Variants in ANO10 observed in about 807,000 individuals in gnomAD.
The protein encoded by ANO10 is anoctamin-10.
Under a neutral mutation model 74.7 loss-of-function variants are expected in ANO10, and 77 were observed. That is an observed-to-expected ratio of 1.03 (90% CI 0.86 to 1.25). The LOEUF (loss-of-function observed/expected upper bound fraction) is 1.25. Ranked by LOEUF, ANO10 falls within the 50% of genes most tolerant of loss-of-function variation. The pLI, the probability that ANO10 is intolerant of heterozygous loss-of-function variation, is 0.00. For synonymous variants in ANO10, 279 were observed against 284.9 expected (o/e 0.98, Z 0.21); for missense variants, 721 against 778.1 (o/e 0.93, Z 0.87).
chr3:43,523,746 A>G (rs1457484366), intron 11 of ANO10, among the ~76,000 whole-genome samples: 1 of 152,194 alleles, frequency 6.6e-6, no homozygotes, highest in Non-Finnish European at 1.5e-5. Flanking sequence ...GTAAATACAT[A>G]CACAATACAC....
chr3:43,452,406 T>C (rs2074918267), intron 11 of ANO10, among the ~76,000 whole-genome samples: 1 of 152,324 alleles, frequency 6.6e-6, no homozygotes, highest in Non-Finnish European at 1.5e-5. Flanking sequence ...TTCTGGAAAT[T>C]CCACATAAAT....
chr3:43,690,609 A>T (rs1353638967), intron 1 of ANO10: 2 of 222,354 alleles, frequency 9.0e-6, no homozygotes, highest in Non-Finnish European at 1.8e-5. Flanking sequence ...CCAGGACCGG[A>T]CGCACCTCCG....
At chr3:43,571,494 A>G (rs1455199354) in intron 7 of ANO10, among the ~76,000 whole-genome samples, 23 of 152,310 alleles carry the variant, frequency 1.5e-4, no homozygotes, top group African/African-American at 5.5e-4. Context: ...ACCATGGAAT[A>G]CTACGCAGCC....
At chr3:43,594,782 T>C (rs2081990832) in intron 4 of ANO10, among the ~76,000 whole-genome samples, 1 of 151,812 alleles carries the variant, frequency 6.6e-6, no homozygotes, top group African/African-American at 2.4e-5. Flanking sequence ...CTGAAGGAGA[T>C]AGAGACACAA....
intron 12 of ANO10, among the ~76,000 whole-genome samples, chr3:43,391,075 C>T (rs2092262320): frequency 6.6e-6 from 1 of 152,230 alleles, no homozygotes; most frequent in Non-Finnish European, 1.5e-5. Context: ...TGATCACTCT[C>T]TCTGCAGCAT....
At chr3:43,648,192 A>G (rs778698299) in intron 1 of ANO10, among the ~76,000 whole-genome samples, 3 of 152,196 alleles carry the variant, frequency 2.0e-5, no homozygotes, top group Admixed American at 6.5e-5. Flanking sequence ...TAACTTTTCA[A>G]CCTGAATTTC....
intron 1 of ANO10, among the ~76,000 whole-genome samples, chr3:43,648,428 T>G (rs6441788): frequency 0.13 from 20,531 of 152,092 alleles, 2,979 homozygotes; most frequent in African/African-American, 0.36. Context: ...AGGAATAAAA[T>G]AATGGCTACT....
At chr3:43,405,217 T>C (rs1430724201) in intron 12 of ANO10, among the ~76,000 whole-genome samples, 1 of 152,208 alleles carries the variant, frequency 6.6e-6, no homozygotes, top group African/African-American at 2.4e-5. Context: ...TTTTAAGAAA[T>C]GCTACCCTTT....
intron 11 of ANO10, among the ~76,000 whole-genome samples, chr3:43,529,522 CA>C (rs1219893108): frequency 1.3e-5 from 2 of 151,918 alleles, no homozygotes; most frequent in Non-Finnish European, 2.9e-5. Context: ...TTTCATAGAA[CA>C]AAGGGGAAAA....
At chr3:43,675,759 A>G (rs2084113846) in intron 1 of ANO10, among the ~76,000 whole-genome samples, 1 of 152,166 alleles carries the variant, frequency 6.6e-6, no homozygotes, top group African/African-American at 2.4e-5. Context: ...AAAATAAAAA[A>G]CAGAGACAAC....
chr3:43,549,648 G>T, intron 11 of ANO10, 72 bp downstream of exon 11: 1 of 1,562,406 alleles, frequency 6.4e-7, no homozygotes, highest in Non-Finnish European at 8.8e-7. Flanking sequence ...TGGACAGCCC[G>T]AGACAGCACT....
intron 7 of ANO10, among the ~76,000 whole-genome samples, chr3:43,567,058 C>T (rs1422711802): frequency 6.6e-6 from 1 of 151,920 alleles, no homozygotes; most frequent in Non-Finnish European, 1.5e-5. Flanking sequence ...GGAGCTGATG[C>T]AATCAACTGG....
At chr3:43,491,796 A>C (rs936107463) in intron 11 of ANO10, among the ~76,000 whole-genome samples, 6 of 152,192 alleles carry the variant, frequency 3.9e-5, no homozygotes, top group African/African-American at 1.4e-4. Context: ...ACAGAATATG[A>C]TATAATATAA....
At chr3:43,573,908 A>G (rs529181658) in intron 7 of ANO10, among the ~76,000 whole-genome samples, 1 of 152,368 alleles carries the variant, frequency 6.6e-6, no homozygotes, top group South Asian at 2.1e-4. Context: ...ACCAAAAGGA[A>G]AAGAATAGAA....
chr3:43,565,987 G>C (rs1451431928), intron 7 of ANO10, among the ~76,000 whole-genome samples: 1 of 152,156 alleles, frequency 6.6e-6, no homozygotes. Context: ...CGCACCGTGT[G>C]CGAGCCGAAG....
chr3:43,605,910 A>G, intron 1 of ANO10, 47 bp from the exon 2 acceptor site: 1 of 1,592,502 alleles, frequency 6.3e-7, no homozygotes. Flanking sequence ...TTATTATGGC[A>G]AAGAGAAATA....
At chr3:43,555,829 C>G (rs546763618) in intron 9 of ANO10, among the ~76,000 whole-genome samples, 21 of 152,290 alleles carry the variant, frequency 1.4e-4, no homozygotes, top group Middle Eastern at 3.4e-3. Flanking sequence ...GTCAGTTTTT[C>G]TTATTTTATA....
intron 1 of ANO10, among the ~76,000 whole-genome samples, chr3:43,654,408 T>C (rs2083823709): frequency 6.6e-6 from 1 of 152,076 alleles, no homozygotes; most frequent in Non-Finnish European, 1.5e-5. Flanking sequence ...TAATCTTTAA[T>C]GGGAAAAATA....
intron 4 of ANO10, among the ~76,000 whole-genome samples, chr3:43,596,292 C>A (rs1202243176): frequency 6.6e-6 from 1 of 152,176 alleles, no homozygotes; most frequent in African/African-American, 2.4e-5. Flanking sequence ...CAAAAAAGAA[C>A]CCGCATTGCC....
Sources: allele counts gnomAD v4.1 joint callset (sites outside exome capture counted in the v4.1 genomes callset), GRCh38; gene constraint gnomAD v4.1.1; transcripts MANE v1.5; gene names NCBI Gene and HGNC (gene_info 2026-07-23, HGNC 2026-07-21).